Variants in PSG9 observed in about 807,000 individuals in gnomAD.
PSG9 encodes pregnancy specific beta-1-glycoprotein 9, also known as pregnancy-specific beta-1-glycoprotein 9.
In PSG9, 49 loss-of-function variants were observed where a neutral mutation model predicts 41.9. The observed-to-expected ratio is 1.17, with a 90% CI of 0.93 to 1.48. The LOEUF (loss-of-function observed/expected upper bound fraction) is 1.48, where lower values mean the gene tolerates loss of function less well. Ranked by LOEUF, PSG9 falls within the 40% of genes most tolerant of loss-of-function variation. PSG9 has a pLI of 0.00. For missense variants in PSG9, 641 were observed against 520.3 expected (o/e 1.23, Z -2.26); for synonymous variants, 263 against 196.8 (o/e 1.34, Z -2.82).
rs1218297115 is a variant in PSG9 at position 43,260,234 on chromosome 19, G to A, written c.710-1099C>T. On this transcript the variant is annotated intron_variant, in intron 3 of 5. Transcript: ENST00000270077. ...GGGTGTGCAGTTTCAGTTATGCAAG[G>A]TGGGGAGGTTCTAGAGATCTGCTGT... 2.0e-5 allele frequency: 3 copies of A among 147,280 alleles called. 1 individual carries two copies. Among genetic ancestry groups the A allele is most frequent in the Non-Finnish European group, 3.0e-5 (2 of 67,478 alleles). 9.1% of individuals were successfully genotyped at this position (147,280 alleles called of 1,614,324 possible).
chr19:43,265,267 C>T (rs1465694924), intron 2 of PSG9, among the ~76,000 whole-genome samples: 4 of 152,136 alleles, frequency 2.6e-5, no homozygotes, highest in Non-Finnish European at 5.9e-5. Context: ...AAAATGTTGT[C>T]ACAGTTTCTA....
chr19:43,260,857 G>A (rs2122525792), intron 3 of PSG9: 1 of 152,092 alleles, frequency 6.6e-6, no homozygotes, highest in East Asian at 1.9e-4. Flanking sequence ...TCCATATATT[G>A]ATATCATCTT....
chr19:43,266,441 C>G (rs1030757608), intron 2 of PSG9, among the ~76,000 whole-genome samples: 1 of 151,978 alleles, frequency 6.6e-6, no homozygotes, highest in African/African-American at 2.4e-5. Context: ...GAGTGTGTGT[C>G]TCTCGCTGGG....
At position 43,258,168 on chromosome 19, in the gene PSG9, A is replaced by C. The variant is rs1968522478; in HGVS notation, c.1243+34T>G. The C allele has an allele frequency of 1.4e-5, 22 of 1,591,978 alleles. 1 individual carries two copies. The highest frequency in any genetic ancestry group is 1.9e-5 in the Non-Finnish European group (22 of 1,174,316). On this transcript the variant is annotated intron_variant, in intron 5 of 5. Transcript: ENST00000270077. ...TGAAAGCCAGATAGACTCCACATAAAACCCTACTGCCAAGGATGCTGGGAT... is the reference window on the plus strand; with the variant it reads ...TGAAAGCCAGATAGACTCCACATAACACCCTACTGCCAAGGATGCTGGGAT...
chr19:43,256,293 T>G (rs1429207611), intron 5 of PSG9, among the ~76,000 whole-genome samples: 1 of 147,014 alleles, frequency 6.8e-6, no homozygotes, highest in Non-Finnish European at 1.5e-5. Flanking sequence ...CCCAATGATT[T>G]CTTGGTTGTA....
intron 1 of PSG9, among the ~76,000 whole-genome samples, chr19:43,268,449 C>G (rs574722016): frequency 7.2e-5 from 11 of 152,188 alleles, no homozygotes; most frequent in Non-Finnish European, 1.3e-4. Flanking sequence ...CCCCTCCACA[C>G]TGCCCTCAGG....
At chr19:43,264,551 G>T (rs1202995541) in intron 2 of PSG9, among the ~76,000 whole-genome samples, 1 of 151,980 alleles carries the variant, frequency 6.6e-6, no homozygotes, top group Non-Finnish European at 1.5e-5. Context: ...TCCGCCTTCT[G>T]GGTTCACACC....
rs534596793 is a variant in PSG9, at chr19:43,255,088, C to T, written c.1244-1442G>A. 5.3e-5 allele frequency among the ~76,000 whole-genome samples: 7 copies of T among 131,286 alleles called. 1 individual carries two copies. The highest frequency in any genetic ancestry group is 3.8e-3 in the Middle Eastern group (1 of 266). 86.1% of individuals were successfully genotyped at this position (131,286 alleles called of 152,430 possible). ...CCTGGGCTGGCCTACAGAGTGAGAG[C>T]CTGTCTCTCTCTCTTCCAAAAAAAA... On this transcript the variant is annotated intron_variant, in intron 5 of 5. Coordinates refer to ENST00000270077, the MANE Select transcript of PSG9 (RefSeq NM_002784.5).
intron 2 of PSG9, among the ~76,000 whole-genome samples, chr19:43,262,549 C>A (rs1163612163): frequency 6.6e-6 from 1 of 152,182 alleles, no homozygotes; most frequent in Non-Finnish European, 1.5e-5. Flanking sequence ...TTCTCTGCAG[C>A]TTCCCTTGCC....
At position 43,262,048 on chromosome 19, in the gene PSG9, A is replaced by G. The variant is rs1410173945; in HGVS notation, c.521T>C (p.Leu174Pro). ...AVRLICDPET[L>P]DASYLWWMNG... Reference sequence around the variant, plus strand: ...CATCCACCATAGGTAGCTTGCGTCCAGAGTCTCAGGATCACAGATTAAGCG... The same window carrying G: ...CATCCACCATAGGTAGCTTGCGTCCGGAGTCTCAGGATCACAGATTAAGCG... The change falls in exon 3 of 6, where the codon CTG (leucine) becomes CCG (proline). Residue 174 changes from leucine (L) to proline (P), a missense_variant. Coordinates refer to ENST00000270077, the MANE Select transcript of PSG9 (RefSeq NM_002784.5). 3.1e-6 allele frequency: 5 copies of G among 1,613,966 alleles called. No individual in the cohort carries two copies. The highest frequency in any genetic ancestry group is 1.3e-5 in the African/African-American group (1 of 75,038).
chr19:43,263,839 T>A (rs1196645768), intron 2 of PSG9, among the ~76,000 whole-genome samples: 1 of 152,090 alleles, frequency 6.6e-6, no homozygotes, highest in African/African-American at 2.4e-5. Context: ...GGTCAGTGCA[T>A]CAATTACATA....
At chr19:43,259,192 G>A (rs62115876) in intron 3 of PSG9, 57 bp from the exon 4 acceptor site, 399,291 of 1,563,334 alleles carry the variant, frequency 0.26, 81,037 homozygotes, top group East Asian at 0.8. Flanking sequence ...TCCTCCACAG[G>A]CATACTTCAA....
intron 1 of PSG9, 133 bp from the exon 2 acceptor site, chr19:43,268,282 A>G: frequency 7.4e-7 from 1 of 1,347,224 alleles, no homozygotes; most frequent in South Asian, 1.5e-5. Context: ...ACAAACAAAC[A>G]CACACAAAAA....
intron 2 of PSG9, among the ~76,000 whole-genome samples, chr19:43,265,911 C>T (rs559587967): frequency 6.6e-6 from 1 of 152,192 alleles, no homozygotes; most frequent in South Asian, 2.1e-4. Flanking sequence ...GTGGCAACTC[C>T]AGGTGATTTC....
Position 43,261,993 on chromosome 19 carries a change from C to A in PSG9, c.576G>T (p.Arg192Ser), listed in dbSNP as rs1329490060. Residue 192 changes from arginine (R) to serine (S), a missense_variant, in exon 3 of 6, where the codon AGG (arginine) becomes AGT (serine). Transcript: ENST00000270077. ...TCCTGTTGGTTTTGGACAGCTGCAA[C>A]CTGTGAGTCACAGGGAGGCTCTGAC... is the stretch of plus-strand genomic sequence containing the variant. ...MNGQSLPVTH[R>S]LQLSKTNRTL... The A allele has an allele frequency of 2.5e-6, 4 of 1,613,996 alleles. No homozygotes were observed. The highest frequency in any genetic ancestry group is 1.1e-5 in the South Asian group (1 of 91,076).
chr19:43,257,991 A>G (rs1244597233), intron 5 of PSG9: 7 of 1,483,674 alleles, frequency 4.7e-6, no homozygotes, highest in Non-Finnish European at 5.3e-6. Flanking sequence ...TACCTTTTTC[A>G]GGCCAGACAC....
intron 1 of PSG9, among the ~76,000 whole-genome samples, chr19:43,268,395 G>C (rs1301754829): frequency 6.6e-6 from 1 of 152,066 alleles, no homozygotes; most frequent in Non-Finnish European, 1.5e-5. Flanking sequence ...TCTGACCTTG[G>C]CATTTTTCTG....
At chr19:43,266,296 G>A (rs548172494) in intron 2 of PSG9, among the ~76,000 whole-genome samples, 165 of 152,116 alleles carry the variant, frequency 1.1e-3, no homozygotes, top group African/African-American at 3.8e-3. Flanking sequence ...TGAAACGTGG[G>A]TGTCAGCCTC....
intron 1 of PSG9, among the ~76,000 whole-genome samples, chr19:43,269,068 T>C (rs1969123399): frequency 6.6e-6 from 1 of 151,838 alleles, no homozygotes; most frequent in Admixed American, 6.6e-5. Flanking sequence ...GCAGTGGCGG[T>C]ATCTCGGCTA....
Sources: gnomAD v4.1 joint callset for allele counts (sites outside exome capture counted in the v4.1 genomes callset) on GRCh38, gnomAD v4.1.1 for gene constraint, MANE v1.5 for transcripts, NCBI Gene and HGNC (gene_info 2026-07-23, HGNC 2026-07-21) for gene names.